The following VTI1A variants were observed in gnomAD, a reference collection of about 807,000 sequenced individuals.
VTI1A encodes vesicle transport through interaction with t-SNAREs homolog 1A.
Under a neutral mutation model 34.9 loss-of-function variants are expected in VTI1A, and 22 were observed. The observed-to-expected ratio is 0.63, with a 90% CI of 0.45 to 0.90. VTI1A has a LOEUF of 0.90. Ranked by LOEUF, VTI1A falls within the 40% of genes least tolerant of loss-of-function variation. The pLI is 0.00. For missense variants in VTI1A, 268 were observed against 275.6 expected (o/e 0.97, Z 0.20); for synonymous variants, 87 against 97.3 (o/e 0.89, Z 0.62).
At chr10:112,827,909 G>A in the VTI1A span, among the ~76,000 whole-genome samples, 1 of 151,742 alleles carries the variant, frequency 6.6e-6, no homozygotes, top group African/African-American at 2.4e-5. Context: ...GTTTTTGAAT[G>A]CAGGTTTTTA....
intron 2 of VTI1A, among the ~76,000 whole-genome samples, chr10:112,461,725 A>G (rs1847735575): frequency 6.6e-6 from 1 of 152,024 alleles, no homozygotes. Context: ...TTTCTATTTT[A>G]TTTTATTTTT....
the VTI1A span, among the ~76,000 whole-genome samples, chr10:112,833,738 C>T: frequency 6.6e-6 from 1 of 152,302 alleles, no homozygotes; most frequent in East Asian, 1.9e-4. Flanking sequence ...TCTATTTCTC[C>T]TTGGGGCATC....
At chr10:112,731,148 C>A (rs1270702239) in intron 7 of VTI1A, among the ~76,000 whole-genome samples, 1 of 152,102 alleles carries the variant, frequency 6.6e-6, no homozygotes, top group East Asian at 1.9e-4. Context: ...AATGCTTTCA[C>A]CAAGCTTGGT....
chr10:112,577,715 T>A (rs1843762698), intron 5 of VTI1A, among the ~76,000 whole-genome samples: 1 of 152,220 alleles, frequency 6.6e-6, no homozygotes, highest in Admixed American at 6.5e-5. Flanking sequence ...GGTAGTAGTG[T>A]GGGAAAGGAA....
intron 7 of VTI1A, among the ~76,000 whole-genome samples, chr10:112,695,731 C>T (rs1697152734): frequency 6.6e-6 from 1 of 152,062 alleles, no homozygotes; most frequent in African/African-American, 2.4e-5. Flanking sequence ...TCAGCTTGCC[C>T]ACACCCAAGC....
At chr10:112,607,210 C>A (rs1374567965) in intron 5 of VTI1A, among the ~76,000 whole-genome samples, 1 of 151,882 alleles carries the variant, frequency 6.6e-6, no homozygotes, top group African/African-American at 2.4e-5. Context: ...TCACTTGAAC[C>A]CGGGAGGCAG....
intron 1 of VTI1A, chr10:112,449,779 A>G (rs1391059049): frequency 6.6e-6 from 1 of 152,128 alleles, no homozygotes; most frequent in Non-Finnish European, 1.5e-5. Context: ...AAAAAAAACT[A>G]TGTCTTTCCT....
chr10:112,494,146 A>G (rs913485567), intron 3 of VTI1A, among the ~76,000 whole-genome samples: 3 of 152,008 alleles, frequency 2.0e-5, no homozygotes, highest in African/African-American at 7.2e-5. Context: ...CTTATATTCT[A>G]TTATCTTTTG....
intron 5 of VTI1A, among the ~76,000 whole-genome samples, chr10:112,572,609 C>G (rs530264322): frequency 1.3e-5 from 2 of 152,192 alleles, no homozygotes; most frequent in South Asian, 2.1e-4. Flanking sequence ...GAGGCTGAGG[C>G]GGGCGGATCA....
chr10:112,525,904 C>G (rs1035029703), intron 3 of VTI1A, among the ~76,000 whole-genome samples: 2 of 151,914 alleles, frequency 1.3e-5, no homozygotes, highest in Non-Finnish European at 2.9e-5. Flanking sequence ...ATTTAAAAAT[C>G]ATATTGTTGA....
intron 5 of VTI1A, among the ~76,000 whole-genome samples, chr10:112,652,265 A>G (rs1369211704): frequency 6.6e-6 from 1 of 152,202 alleles, no homozygotes; most frequent in Non-Finnish European, 1.5e-5. Context: ...AGATAAATGG[A>G]TGGTGAAAAC....
intron 5 of VTI1A, among the ~76,000 whole-genome samples, chr10:112,544,427 A>C (rs2134273254): frequency 1.3e-5 from 2 of 152,228 alleles, no homozygotes; most frequent in Middle Eastern, 6.8e-3. Flanking sequence ...ACAGGGTTTC[A>C]CCATGTTAAG....
intron 5 of VTI1A, among the ~76,000 whole-genome samples, chr10:112,598,883 C>T (rs759822209): frequency 3.3e-5 from 5 of 152,272 alleles, no homozygotes; most frequent in East Asian, 1.9e-4. Flanking sequence ...CGGTTTCCTA[C>T]GACTTTGCTT....
At chr10:112,458,046 G>T (rs148953535) in intron 1 of VTI1A, among the ~76,000 whole-genome samples, 190 of 152,270 alleles carry the variant, frequency 1.2e-3, no homozygotes, top group African/African-American at 4.4e-3. Context: ...AGATGAGGAA[G>T]GGAAACAGAG....
intron 7 of VTI1A, among the ~76,000 whole-genome samples, chr10:112,746,213 C>T (rs1018740969): frequency 2.6e-4 from 40 of 152,192 alleles, no homozygotes; most frequent in African/African-American, 9.2e-4. Context: ...AACTCACTGC[C>T]TCTACTCCAC....
chr10:112,789,035 G>A (rs1328510759), intron 7 of VTI1A, among the ~76,000 whole-genome samples: 3 of 152,070 alleles, frequency 2.0e-5, no homozygotes, highest in Admixed American at 2.0e-4. Context: ...ATTATAGTGA[G>A]TGCTGTGCAA....
chr10:112,754,421 A>C (rs975599027), intron 7 of VTI1A, among the ~76,000 whole-genome samples: 7 of 152,160 alleles, frequency 4.6e-5, no homozygotes, highest in Non-Finnish European at 1.0e-4. Flanking sequence ...TGCTCCCAGG[A>C]AGTTTCTTCT....
rs1358227974 is a variant in VTI1A at position 112,791,483 on chromosome 10, T to G, written c.561-23807T>G. ...TCATCAGGTGATTGGAGACTATAGT[T>G]GTAAATATGTGCTGCAGGCAGAAGT... On this transcript the variant is annotated intron_variant, in intron 7 of 7. Coordinates refer to ENST00000393077, the MANE Select transcript of VTI1A (RefSeq NM_145206.4). Among the ~76,000 whole-genome samples the G allele has an allele frequency of 2.6e-5, 4 of 152,206 alleles. No homozygotes were observed. The East Asian group carries it at 7.7e-4, about 29-fold the overall frequency.
downstream of VTI1A, among the ~76,000 whole-genome samples, chr10:112,822,547 G>A (rs1853672412): frequency 1.3e-5 from 2 of 152,206 alleles, no homozygotes; most frequent in Non-Finnish European, 2.9e-5. Context: ...GGACCCAAAA[G>A]GGATTCTTTT....
Sources: allele counts gnomAD v4.1 joint callset (sites outside exome capture counted in the v4.1 genomes callset), GRCh38; gene constraint gnomAD v4.1.1; transcripts MANE v1.5; gene names NCBI Gene and HGNC (gene_info 2026-07-23, HGNC 2026-07-21).